ARID1B: variants seen among roughly 807,000 people sequenced by gnomAD.
ARID1B encodes the protein AT-rich interaction domain 1B, also known as AT-rich interactive domain-containing protein 1B.
ARID1B carries 30 observed loss-of-function variants against 212.3 expected under a neutral mutation model. That is an observed-to-expected ratio of 0.14 (90% CI 0.11 to 0.19). The LOEUF is 0.19. ARID1B is among the 10% of genes least tolerant of loss of function. The pLI is 1.00. For missense variants in ARID1B, 2,891 were observed against 3,204.0 expected (o/e 0.90, Z 2.36); for synonymous variants, 1,402 against 1,301.7 (o/e 1.08, Z -1.66).
chr6:156,898,150 C>T (rs531701374), intron 2 of ARID1B, among the ~76,000 whole-genome samples: 3 of 152,234 alleles, frequency 2.0e-5, no homozygotes, highest in Non-Finnish European at 4.4e-5. Context: ...TCTCCAGCTC[C>T]CAGCAACTGC....
intron 4 of ARID1B, among the ~76,000 whole-genome samples, chr6:157,053,395 G>C (rs554577794): frequency 6.6e-5 from 10 of 152,238 alleles, no homozygotes; most frequent in Non-Finnish European, 1.3e-4. Context: ...CTATCATGCA[G>C]AATTTAAGCT....
At chr6:156,923,855 G>C (rs764322562) in intron 3 of ARID1B, among the ~76,000 whole-genome samples, 1 of 151,844 alleles carries the variant, frequency 6.6e-6, no homozygotes, top group East Asian at 1.9e-4. Context: ...TTACAGGTGT[G>C]CGCCACCATG....
intron 1 of ARID1B, among the ~76,000 whole-genome samples, chr6:156,823,111 T>C (rs1013901559): frequency 2.6e-5 from 4 of 152,160 alleles, no homozygotes; most frequent in Admixed American, 6.5e-5. Context: ...ATTGAAGAAA[T>C]GGCACGTTAC....
intron 1 of ARID1B, among the ~76,000 whole-genome samples, chr6:156,797,369 G>T (rs1780456391): frequency 6.6e-6 from 1 of 152,246 alleles, no homozygotes; most frequent in South Asian, 2.1e-4. Context: ...AGCTGTAGAT[G>T]AATATGCAGT....
At chr6:156,831,759 A>C (rs889512464) in intron 2 of ARID1B, among the ~76,000 whole-genome samples, 1 of 152,248 alleles carries the variant, frequency 6.6e-6, no homozygotes, top group African/African-American at 2.4e-5. Context: ...GTTGCCCATC[A>C]AGTATTTCAG....
At chr6:157,082,089 G>A (rs1255903314) in intron 4 of ARID1B, among the ~76,000 whole-genome samples, 6 of 152,166 alleles carry the variant, frequency 3.9e-5, no homozygotes. Context: ...TTCAAAAAGA[G>A]TAAGATTATA....
intron 8 of ARID1B, among the ~76,000 whole-genome samples, chr6:157,163,891 T>G (rs1340902141): frequency 6.6e-6 from 1 of 152,262 alleles, no homozygotes; most frequent in African/African-American, 2.4e-5. Context: ...AAGTGTAGTA[T>G]ACCGCACTGA....
At chr6:157,029,562 GA>G (rs1367339770) in intron 4 of ARID1B, among the ~76,000 whole-genome samples, 1 of 152,170 alleles carries the variant, frequency 6.6e-6, no homozygotes. Context: ...GAATAAACAA[GA>G]AAATCTCAGG....
chr6:157,085,397 AC>A (rs1784902418), intron 5 of ARID1B, among the ~76,000 whole-genome samples: 3 of 152,182 alleles, frequency 2.0e-5, no homozygotes, highest in African/African-American at 7.2e-5. Context: ...AGGCGTTCTT[AC>A]TGATACAAAC....
chr6:156,893,246 G>A (rs1225936621), intron 2 of ARID1B, among the ~76,000 whole-genome samples: 2 of 151,924 alleles, frequency 1.3e-5, no homozygotes, highest in African/African-American at 2.4e-5. Flanking sequence ...GGCTGGTCTC[G>A]AACTCCTGAC....
At chr6:157,015,302 C>G (rs998559084) in intron 4 of ARID1B, among the ~76,000 whole-genome samples, 2 of 152,156 alleles carry the variant, frequency 1.3e-5, no homozygotes, top group African/African-American at 2.4e-5. Flanking sequence ...ACTGACAATA[C>G]AGAAGTTAGT....
At position 157,185,550 on chromosome 6, in the gene ARID1B, G is replaced by A. The variant is rs186660716; in HGVS notation, c.3919+1115G>A. On this transcript the variant is annotated intron_variant, in intron 13 of 19. Coordinates refer to ENST00000636930, the MANE Select transcript of ARID1B (RefSeq NM_001374828.1). The stretch of plus-strand genomic sequence containing the variant: ...ATCCATGAGAAAATGAAGGTCTCGT[G>A]GAATCTAAGTACTTGCCCAAAGCCA... 2.0e-5 allele frequency: 3 copies of A among 152,356 alleles called. No homozygotes were observed. In the East Asian group the frequency reaches 5.8e-4, roughly 29 times the overall value. 9.4% of individuals were successfully genotyped at this position (152,356 alleles called of 1,614,324 possible).
intron 4 of ARID1B, among the ~76,000 whole-genome samples, chr6:156,978,277 G>A (rs1777388696): frequency 6.6e-6 from 1 of 152,200 alleles, no homozygotes. Context: ...AGTTTGCTGG[G>A]GCAGTCAGAG....
At chr6:156,832,860 C>T (rs1168668515) in intron 2 of ARID1B, among the ~76,000 whole-genome samples, 1 of 152,116 alleles carries the variant, frequency 6.6e-6, no homozygotes, top group East Asian at 1.9e-4. Flanking sequence ...TTGAGATATA[C>T]TCGTGACTGG....
chr6:156,882,670 C>T (rs1583209241), intron 2 of ARID1B, among the ~76,000 whole-genome samples: 1 of 152,176 alleles, frequency 6.6e-6, no homozygotes, highest in East Asian at 1.9e-4. Flanking sequence ...TGAAAGGATA[C>T]TGATTCTATA....
At chr6:157,011,976 T>A (rs1267144879) in intron 4 of ARID1B, among the ~76,000 whole-genome samples, 1 of 152,206 alleles carries the variant, frequency 6.6e-6, no homozygotes, top group East Asian at 1.9e-4. Context: ...GCAGCTCATC[T>A]ATAAAGAAAT....
intron 6 of ARID1B, among the ~76,000 whole-genome samples, chr6:157,123,549 G>A (rs1787927177): frequency 6.6e-6 from 1 of 152,202 alleles, no homozygotes; most frequent in Admixed American, 6.5e-5. Flanking sequence ...CTCCCTAGGG[G>A]CAGCCTCGGA....
At chr6:157,173,293 G>A (rs1791850768) in intron 9 of ARID1B, 1 of 152,296 alleles carries the variant, frequency 6.6e-6, no homozygotes, top group African/African-American at 2.4e-5. Context: ...TGAGCCTAGT[G>A]CTAGAAAATG....
intron 4 of ARID1B, among the ~76,000 whole-genome samples, chr6:156,947,938 C>T (rs746665263): frequency 9.2e-5 from 14 of 152,008 alleles, no homozygotes; most frequent in Non-Finnish European, 1.6e-4. Context: ...TTTCCAGCTA[C>T]GAAAACAGAG....
Sources: allele counts gnomAD v4.1 joint callset (sites outside exome capture counted in the v4.1 genomes callset), GRCh38; gene constraint gnomAD v4.1.1; transcripts MANE v1.5; gene names NCBI Gene and HGNC (gene_info 2026-07-23, HGNC 2026-07-21).